RAPGEF4: variants seen among roughly 807,000 people sequenced by gnomAD.
The protein encoded by RAPGEF4 is Rap guanine nucleotide exchange factor 4, also known as RAP guanine-nucleotide-exchange factor (GEF) 4.
RAPGEF4 carries 66 observed loss-of-function variants against 147.9 expected under a neutral mutation model. That is an observed-to-expected ratio of 0.45 (90% CI 0.37 to 0.55). The LOEUF is 0.55. RAPGEF4 is among the 20% of genes least tolerant of loss of function. RAPGEF4 has a pLI of 0.00. For missense variants in RAPGEF4, 1,071 were observed against 1,257.3 expected (o/e 0.85, Z 2.24); for synonymous variants, 419 against 442.7 (o/e 0.95, Z 0.67).
intron 1 of RAPGEF4, among the ~76,000 whole-genome samples, chr2:172,736,369 G>A (rs1365372550): frequency 4.6e-5 from 7 of 152,188 alleles, no homozygotes; most frequent in Non-Finnish European, 1.0e-4. Context: ...TTTTCTCTTG[G>A]CATCACGGGA....
intron 4 of RAPGEF4, among the ~76,000 whole-genome samples, chr2:172,872,855 G>A (rs1695407843): frequency 6.6e-6 from 1 of 152,056 alleles, no homozygotes; most frequent in African/African-American, 2.4e-5. Flanking sequence ...TGAGAGAATG[G>A]CCTAATACCA....
chr2:172,847,966 A>G (rs893375856), intron 4 of RAPGEF4, among the ~76,000 whole-genome samples: 3 of 152,164 alleles, frequency 2.0e-5, no homozygotes, highest in South Asian at 4.2e-4. Flanking sequence ...CTCTGTTGAC[A>G]TTCTACTAGG....
At chr2:173,036,532 T>C (rs1684035372) in intron 28 of RAPGEF4, 96 bp from the exon 29 acceptor site, 2 of 975,630 alleles carry the variant, frequency 2.0e-6, no homozygotes, top group Admixed American at 4.5e-5. Context: ...TGTAGTGTTA[T>C]GCAAATCTGC....
intron 6 of RAPGEF4, among the ~76,000 whole-genome samples, chr2:172,931,181 G>GC (rs1387816110): frequency 6.7e-5 from 7 of 104,024 alleles, no homozygotes; most frequent in Admixed American, 1.9e-4. Flanking sequence ...GTGGGGGGGG[G>GC]GGGCGCTGGG....
intron 4 of RAPGEF4, among the ~76,000 whole-genome samples, chr2:172,839,667 C>G (rs1691363853): frequency 6.6e-6 from 1 of 151,416 alleles, no homozygotes; most frequent in Admixed American, 6.6e-5. Context: ...TCTGGGAATG[C>G]AGCCCGGTAG....
chr2:172,987,483 C>A (rs958953221), intron 12 of RAPGEF4, among the ~76,000 whole-genome samples: 1 of 152,034 alleles, frequency 6.6e-6, no homozygotes, highest in African/African-American at 2.4e-5. Flanking sequence ...TCCACGTTTA[C>A]GAATTCAACC....
At chr2:172,765,521 C>T (rs1559030081) in intron 1 of RAPGEF4, among the ~76,000 whole-genome samples, 1 of 152,186 alleles carries the variant, frequency 6.6e-6, no homozygotes, top group African/African-American at 2.4e-5. Context: ...TCCCTAGTGT[C>T]TTGCCATCTC....
At chr2:172,846,797 T>C (rs1260456313) in intron 4 of RAPGEF4, among the ~76,000 whole-genome samples, 1 of 152,160 alleles carries the variant, frequency 6.6e-6, no homozygotes, top group East Asian at 1.9e-4. Context: ...ACACATTCTG[T>C]TGGGACTGAT....
chr2:173,051,525 G>T, intron 30 of RAPGEF4, 115 bp from the exon 31 acceptor site: 1 of 1,131,142 alleles, frequency 8.8e-7, no homozygotes. Flanking sequence ...GTGTTGAAAG[G>T]TCTTGAGGGA....
In RAPGEF4 at chr2:172,800,851, A is replaced by G. The variant is rs189065321; in HGVS notation, c.297+3238A>G. On this transcript the variant is annotated intron_variant, in intron 3 of 30. Coordinates refer to ENST00000397081, the MANE Select transcript of RAPGEF4 (RefSeq NM_007023.4). ...TCCTTACAGCAACATCTAGATTAGT[A>G]TTTAACCAAACTACTGGCCATTATA... Among the ~76,000 whole-genome samples, 13 of 152,320 alleles carry G rather than the reference A, an allele frequency of 8.5e-5. No individual in the cohort carries two copies. In the South Asian group the frequency reaches 1.7e-3, roughly 19 times the overall value.
intron 29 of RAPGEF4, among the ~76,000 whole-genome samples, chr2:173,039,724 T>C (rs1684512243): frequency 6.6e-6 from 1 of 152,198 alleles, no homozygotes; most frequent in Non-Finnish European, 1.5e-5. Context: ...GGCTAAAACA[T>C]GAAGCCCTTA....
At chr2:173,010,143 A>G (rs1694869081) in intron 17 of RAPGEF4, among the ~76,000 whole-genome samples, 1 of 152,238 alleles carries the variant, frequency 6.6e-6, no homozygotes, top group African/African-American at 2.4e-5. Context: ...AAATGTAATC[A>G]AAGGGCTCTT....
At chr2:172,879,698 A>G (rs575487183) in intron 4 of RAPGEF4, among the ~76,000 whole-genome samples, 2 of 152,238 alleles carry the variant, frequency 1.3e-5, no homozygotes, top group African/African-American at 4.8e-5. Flanking sequence ...AGCTACTCAG[A>G]GGCTGAGGTG....
At chr2:172,950,951 G>A (rs1688152066) in intron 6 of RAPGEF4, among the ~76,000 whole-genome samples, 1 of 152,248 alleles carries the variant, frequency 6.6e-6, no homozygotes, top group African/African-American at 2.4e-5. Context: ...TGCTCAAAGT[G>A]TGGTTCCCAC....
At chr2:172,784,086 T>G (rs1684949268) in intron 1 of RAPGEF4, among the ~76,000 whole-genome samples, 1 of 152,232 alleles carries the variant, frequency 6.6e-6, no homozygotes, top group African/African-American at 2.4e-5. Context: ...CATTTCACCT[T>G]GATACTTGCT....
intron 4 of RAPGEF4, among the ~76,000 whole-genome samples, chr2:172,891,994 A>C (rs3769275): frequency 6.6e-6 from 1 of 152,078 alleles, no homozygotes; most frequent in Non-Finnish European, 1.5e-5. Context: ...TGCTTCCTTC[A>C]CCCATTTTTT....
At chr2:172,971,582 C>A (rs1690489442) in intron 10 of RAPGEF4, among the ~76,000 whole-genome samples, 1 of 152,108 alleles carries the variant, frequency 6.6e-6, no homozygotes, top group African/African-American at 2.4e-5. Context: ...TGGGATTTTT[C>A]CCATCTCCCT....
At chr2:172,771,650 G>T (rs1209634365) in intron 1 of RAPGEF4, among the ~76,000 whole-genome samples, 1 of 151,568 alleles carries the variant, frequency 6.6e-6, no homozygotes, top group Admixed American at 6.6e-5. Flanking sequence ...TCACTATATT[G>T]CCCAGGCTTG....
chr2:172,741,211 A>G (rs1002466237), intron 1 of RAPGEF4, among the ~76,000 whole-genome samples: 6 of 152,200 alleles, frequency 3.9e-5, no homozygotes, highest in African/African-American at 1.4e-4. Context: ...CTTTGGTCCC[A>G]CTCTGTAATA....
Sources: allele counts gnomAD v4.1 joint callset (sites outside exome capture counted in the v4.1 genomes callset), GRCh38; gene constraint gnomAD v4.1.1; transcripts MANE v1.5; gene names NCBI Gene and HGNC (gene_info 2026-07-23, HGNC 2026-07-21).